LRRTM4: variants seen among roughly 807,000 people sequenced by gnomAD.
LRRTM4 encodes leucine-rich repeat transmembrane neuronal protein 4.
Under a neutral mutation model 47.6 loss-of-function variants are expected in LRRTM4, and 25 were observed. The observed-to-expected ratio is 0.53, with a 90% CI of 0.38 to 0.73. The LOEUF (loss-of-function observed/expected upper bound fraction) is 0.73. LRRTM4 is among the 30% of genes least tolerant of loss of function. LRRTM4 has a pLI of 0.00. For synonymous variants in LRRTM4, 311 were observed against 269.5 expected (o/e 1.15, Z -1.51); for missense variants, 638 against 713.4 (o/e 0.89, Z 1.20).
At chr2:77,192,629 C>T (rs1276342174) in intron 3 of LRRTM4, among the ~76,000 whole-genome samples, 2 of 146,784 alleles carry the variant, frequency 1.4e-5, no homozygotes, top group African/African-American at 2.5e-5. Flanking sequence ...GTAGACTGCA[C>T]AATTTCCAAA....
At chr2:76,853,287 A>G (rs1465829952) in intron 3 of LRRTM4, among the ~76,000 whole-genome samples, 4 of 152,164 alleles carry the variant, frequency 2.6e-5, no homozygotes, top group Non-Finnish European at 5.9e-5. Context: ...TTCAAGAAAT[A>G]TAATCAACAG....
intron 3 of LRRTM4, among the ~76,000 whole-genome samples, chr2:77,279,769 A>G (rs1676459314): frequency 1.3e-5 from 2 of 151,980 alleles, no homozygotes; most frequent in South Asian, 4.1e-4. Flanking sequence ...GTATTATAAT[A>G]AGACATGAAG....
intron 3 of LRRTM4, among the ~76,000 whole-genome samples, chr2:77,385,709 A>G (rs1335402297): frequency 6.6e-6 from 1 of 150,566 alleles, no homozygotes. Context: ...TAAAAAATAA[A>G]AATATATAAT....
chr2:77,382,751 G>C (rs545212280), intron 3 of LRRTM4, among the ~76,000 whole-genome samples: 17 of 152,138 alleles, frequency 1.1e-4, no homozygotes, highest in African/African-American at 3.9e-4. Context: ...AGAATAAATT[G>C]ATCTTGTTAA....
intron 3 of LRRTM4, among the ~76,000 whole-genome samples, chr2:77,485,154 AAAATAT>A (rs1244428260): frequency 1.3e-5 from 2 of 151,976 alleles, no homozygotes; most frequent in Admixed American, 1.3e-4. Flanking sequence ...TCCTAAATAT[AAAATAT>A]AAATATAAAA....
At chr2:76,860,531 C>T (rs1573223273) in intron 3 of LRRTM4, among the ~76,000 whole-genome samples, 1 of 151,944 alleles carries the variant, frequency 6.6e-6, no homozygotes, top group East Asian at 1.9e-4. Flanking sequence ...AAGGTTTGTC[C>T]TTCACTTAAA....
intron 3 of LRRTM4, among the ~76,000 whole-genome samples, chr2:76,852,813 ATAT>A (rs773767723): frequency 6.5e-4 from 99 of 152,186 alleles, no homozygotes; most frequent in African/African-American, 2.0e-3. Context: ...CTTGACTTAA[ATAT>A]TATTATAAGA....
At chr2:77,521,402 G>A (rs1679490421) in intron 2 of LRRTM4, among the ~76,000 whole-genome samples, 1 of 151,854 alleles carries the variant, frequency 6.6e-6, no homozygotes. Flanking sequence ...CCAAGCTGTG[G>A]ATACGCAGAC....
Position 76,828,581 on chromosome 2 carries a change from C to T in LRRTM4, c.1552-79665G>A, listed in dbSNP as rs1375051448. Among the ~76,000 whole-genome samples, 4 of 151,930 alleles carry T rather than the reference C, an allele frequency of 2.6e-5. No individual in the cohort carries two copies. In the South Asian group the frequency reaches 8.3e-4, roughly 31 times the overall value. ...AGGTTCATTAGAAAGTTAACAGTTT[C>T]TTACCACAGCTGTTAAGTTGTGGGT... On this transcript the variant is annotated intron_variant, in intron 3 of 3. Coordinates refer to ENST00000409884, the MANE Select transcript of LRRTM4 (RefSeq NM_001134745.3).
intron 3 of LRRTM4, among the ~76,000 whole-genome samples, chr2:77,049,122 TTATA>T (rs3058032): frequency 0.023 from 1,470 of 62,624 alleles, 17 homozygotes; most frequent in Non-Finnish European, 0.026. Context: ...ATTTCATTTT[TTATA>T]TATATATATA....
intron 3 of LRRTM4, among the ~76,000 whole-genome samples, chr2:77,001,930 C>T (rs1677445163): frequency 6.6e-6 from 1 of 152,150 alleles, no homozygotes; most frequent in Non-Finnish European, 1.5e-5. Context: ...CCTTAAAACA[C>T]TCTGCCCTCC....
At chr2:77,289,289 T>G (rs867713471) in intron 3 of LRRTM4, among the ~76,000 whole-genome samples, 1 of 152,032 alleles carries the variant, frequency 6.6e-6, no homozygotes. Context: ...TTTTTTATTT[T>G]TAAAAGGAAA....
intron 3 of LRRTM4, among the ~76,000 whole-genome samples, chr2:76,966,006 A>G (rs1167912591): frequency 6.6e-6 from 1 of 151,408 alleles, no homozygotes; most frequent in East Asian, 1.9e-4. Flanking sequence ...CCCAACATCT[A>G]CTCTGGTGGC....
chr2:77,183,931 G>A (rs576037548), intron 3 of LRRTM4, among the ~76,000 whole-genome samples: 38 of 152,192 alleles, frequency 2.5e-4, no homozygotes, highest in Admixed American at 1.8e-3. Flanking sequence ...GGGGCCTGTC[G>A]TGGGTTGGGG....
At chr2:77,200,695 A>G (rs1318578181) in intron 3 of LRRTM4, among the ~76,000 whole-genome samples, 1 of 152,122 alleles carries the variant, frequency 6.6e-6, no homozygotes, top group Non-Finnish European at 1.5e-5. Context: ...TACAAAGGTC[A>G]GCAGTTATAG....
intron 3 of LRRTM4, among the ~76,000 whole-genome samples, chr2:76,810,024 G>C (rs1044240948): frequency 6.6e-6 from 1 of 152,046 alleles, no homozygotes; most frequent in Non-Finnish European, 1.5e-5. Context: ...TTCATAGCAT[G>C]TATCACCAGC....
intron 1 of LRRTM4, 104 bp downstream of exon 1, chr2:77,522,005 C>T (rs1679534311): frequency 1.5e-6 from 1 of 689,210 alleles, no homozygotes; most frequent in Non-Finnish European, 2.7e-6. Flanking sequence ...CACCAGAGAC[C>T]CATCAGCAGT....
chr2:77,176,964 C>T (rs1266680883), intron 3 of LRRTM4, among the ~76,000 whole-genome samples: 2 of 152,134 alleles, frequency 1.3e-5, no homozygotes, highest in African/African-American at 2.4e-5. Flanking sequence ...ACCAGTCCCA[C>T]GGCAGCTTCC....
intron 3 of LRRTM4, among the ~76,000 whole-genome samples, chr2:76,923,389 T>C (rs901512270): frequency 1.3e-5 from 2 of 151,854 alleles, no homozygotes; most frequent in African/African-American, 4.8e-5. Flanking sequence ...TAAAATTACA[T>C]AAATTTACTA....
Sources: allele counts gnomAD v4.1 joint callset (sites outside exome capture counted in the v4.1 genomes callset), GRCh38; gene constraint gnomAD v4.1.1; transcripts MANE v1.5; gene names NCBI Gene and HGNC (gene_info 2026-07-23, HGNC 2026-07-21).